The following PTPRE variants were observed in gnomAD, a reference collection of about 807,000 sequenced individuals.
PTPRE encodes receptor-type tyrosine-protein phosphatase epsilon.
Under a neutral mutation model 102.0 loss-of-function variants are expected in PTPRE, and 51 were observed. The observed-to-expected ratio is 0.50, with a 90% CI of 0.40 to 0.63. The LOEUF is 0.63. Ranked by LOEUF, PTPRE falls within the 30% of genes least tolerant of loss-of-function variation. The pLI is 0.00. For synonymous variants in PTPRE, 345 were observed against 348.2 expected (o/e 0.99, Z 0.10); for missense variants, 752 against 915.1 (o/e 0.82, Z 2.30).
At chr10:128,061,810 G>T in intron 9 of PTPRE, 95 bp downstream of exon 9, 1 of 1,435,054 alleles carries the variant, frequency 7.0e-7, no homozygotes, top group Non-Finnish European at 9.3e-7. Flanking sequence ...ACTTATACTG[G>T]ATTTGTGTGT....
At chr10:128,033,737 C>A (rs181744726) in intron 2 of PTPRE, among the ~76,000 whole-genome samples, 1 of 152,198 alleles carries the variant, frequency 6.6e-6, no homozygotes, top group African/African-American at 2.4e-5. Context: ...CTCCGCCTCC[C>A]GGGTTCAAGC....
chr10:127,927,469 C>T (rs1226997202), intron 1 of PTPRE, among the ~76,000 whole-genome samples: 1 of 152,106 alleles, frequency 6.6e-6, no homozygotes, highest in Non-Finnish European at 1.5e-5. Flanking sequence ...GATGTGGGCC[C>T]ATATTATGGT....
chr10:127,990,820 T>A (rs190044473), intron 2 of PTPRE, among the ~76,000 whole-genome samples: 26 of 152,342 alleles, frequency 1.7e-4, no homozygotes, highest in Middle Eastern at 3.4e-3. Flanking sequence ...AACATTTTTT[T>A]AAAAAGCATT....
At chr10:127,918,936 T>A (rs1186590501) in intron 1 of PTPRE, among the ~76,000 whole-genome samples, 1 of 152,188 alleles carries the variant, frequency 6.6e-6, no homozygotes, top group East Asian at 1.9e-4. Context: ...TGGGGCCTCC[T>A]TGGGCTGGAA....
At chr10:128,018,623 C>T (rs951656344) in intron 2 of PTPRE, among the ~76,000 whole-genome samples, 11 of 152,128 alleles carry the variant, frequency 7.2e-5, no homozygotes, top group African/African-American at 2.7e-4. Context: ...GAGGAGAGGC[C>T]GCCTCCCCAC....
At chr10:128,048,985 G>A (rs1045692734) in intron 5 of PTPRE, among the ~76,000 whole-genome samples, 3 of 152,134 alleles carry the variant, frequency 2.0e-5, no homozygotes, top group African/African-American at 7.2e-5. Flanking sequence ...CTTATAACGC[G>A]TACTTCTCCT....
At position 128,054,942 on chromosome 10, in the gene PTPRE, G is replaced by A. The variant is rs116922016; in HGVS notation, c.421-1181G>A. ...ACATCCTCCTGGTAGTCTGGGTGCC[G>A]CTCTAGGCTCCTGCCCCTTGCTTGC... On this transcript the variant is annotated intron_variant, in intron 6 of 20. Transcript: ENST00000254667. 5.4e-3 allele frequency among the ~76,000 whole-genome samples: 824 copies of A among 152,188 alleles called. 5 individuals carry two copies. The highest frequency in any genetic ancestry group is 0.035 in the East Asian group (178 of 5,122).
intron 2 of PTPRE, among the ~76,000 whole-genome samples, chr10:128,029,029 C>T (rs1470750482): frequency 2.6e-5 from 4 of 152,190 alleles, no homozygotes; most frequent in Non-Finnish European, 5.9e-5. Flanking sequence ...GGTTATTTAC[C>T]TTATGGGGGC....
At chr10:128,067,518 A>G (rs1164170266) in intron 11 of PTPRE, among the ~76,000 whole-genome samples, 2 of 151,078 alleles carry the variant, frequency 1.3e-5, no homozygotes, top group Non-Finnish European at 2.9e-5. Context: ...ATACATGCGC[A>G]CACATGCACA....
chr10:128,053,584 C>T (rs1848716163), intron 6 of PTPRE, among the ~76,000 whole-genome samples: 3 of 152,242 alleles, frequency 2.0e-5, no homozygotes, highest in South Asian at 2.1e-4. Context: ...GCACAGGGCC[C>T]GATGCCCCTC....
intron 5 of PTPRE, among the ~76,000 whole-genome samples, chr10:128,049,196 T>G (rs1029969402): frequency 2.0e-5 from 3 of 152,080 alleles, no homozygotes; most frequent in African/African-American, 7.2e-5. Context: ...TCTTGAATCC[T>G]TTTTGGAAGG....
At chr10:128,032,699 C>T (rs1483364286) in intron 2 of PTPRE, among the ~76,000 whole-genome samples, 1 of 152,212 alleles carries the variant, frequency 6.6e-6, no homozygotes, top group Admixed American at 6.5e-5. Context: ...AGCTGCGGCC[C>T]ACACCATGGC....
rs77140723 is a variant in PTPRE at position 128,057,943 on chromosome 10, G to A, written c.511+1730G>A. 5.9e-3 allele frequency among the ~76,000 whole-genome samples: 902 copies of A among 152,270 alleles called. 65 individuals are homozygous for A. The East Asian group carries it at 0.15, about 25-fold the overall frequency. On this transcript the variant is annotated intron_variant, in intron 7 of 20. Coordinates refer to ENST00000254667, the MANE Select transcript of PTPRE (RefSeq NM_006504.6). ...CTTTGGAATAATGTGTGTCAAATTT[G>A]GGATATTTAGAAATTAGTTTCACTG...
intron 2 of PTPRE, among the ~76,000 whole-genome samples, chr10:128,001,266 T>A (rs1304383210): frequency 6.6e-6 from 1 of 152,054 alleles, no homozygotes; most frequent in East Asian, 1.9e-4. Context: ...AGGGAAGGAA[T>A]GCATTTATAG....
chr10:127,945,840 A>AC (rs1218028811), intron 1 of PTPRE, among the ~76,000 whole-genome samples: 5 of 152,028 alleles, frequency 3.3e-5, no homozygotes, highest in African/African-American at 1.2e-4. Flanking sequence ...ATCGTTGCTA[A>AC]CCCCTGTGGG....
At chr10:128,009,568 A>ATC (rs1423062626) in intron 2 of PTPRE, among the ~76,000 whole-genome samples, 3 of 152,102 alleles carry the variant, frequency 2.0e-5, no homozygotes, top group African/African-American at 7.2e-5. Context: ...CGAGGTCACT[A>ATC]TTGTGCCTGT....
At chr10:127,959,883 G>A (rs985522) in intron 1 of PTPRE, among the ~76,000 whole-genome samples, 31,460 of 152,120 alleles carry the variant, frequency 0.21, 3,543 homozygotes, top group East Asian at 0.38. Flanking sequence ...GCTTGGCAGG[G>A]CACTGATGGG....
intron 1 of PTPRE, among the ~76,000 whole-genome samples, chr10:127,976,854 C>T (rs1199763174): frequency 6.6e-6 from 1 of 152,190 alleles, no homozygotes; most frequent in Admixed American, 6.5e-5. Flanking sequence ...CAGTGCGAAT[C>T]TGAAGCCTAG....
At position 128,033,675 on chromosome 10, in the gene PTPRE, C is replaced by A. The variant is rs549656928; in HGVS notation, c.-7-7200C>A. 1.1e-4 allele frequency among the ~76,000 whole-genome samples: 16 copies of A among 152,312 alleles called. No individual in the cohort carries two copies. In the East Asian group the frequency reaches 3.1e-3, roughly 29 times the overall value. ...TATTTATTTATTCAAGATGGAGTGT[C>A]GCTCTGTCACCCAGGCTAGAGTGCA... is the stretch of plus-strand genomic sequence containing the variant. On this transcript the variant is annotated intron_variant, in intron 2 of 20. Coordinates refer to ENST00000254667, the MANE Select transcript of PTPRE (RefSeq NM_006504.6).
Sources: allele counts gnomAD v4.1 joint callset (sites outside exome capture counted in the v4.1 genomes callset), GRCh38; gene constraint gnomAD v4.1.1; transcripts MANE v1.5; gene names NCBI Gene and HGNC (gene_info 2026-07-23, HGNC 2026-07-21).